The following KHDRBS2 variants were observed in gnomAD, a reference collection of about 807,000 sequenced individuals.
The protein encoded by KHDRBS2 is KH RNA binding domain containing, signal transduction associated 2, also known as KH domain-containing, RNA-binding, signal transduction-associated protein 2.
Under a neutral mutation model 44.3 loss-of-function variants are expected in KHDRBS2, and 26 were observed. That is an observed-to-expected ratio of 0.59 (90% CI 0.43 to 0.81). KHDRBS2 has a LOEUF of 0.81. Ranked by LOEUF, KHDRBS2 falls within the 40% of genes least tolerant of loss-of-function variation. The pLI is 0.00. For missense variants in KHDRBS2, 476 were observed against 433.1 expected, an observed-to-expected ratio of 1.10 and a Z score of -0.88; for synonymous variants, 194 against 151.1, an observed-to-expected ratio of 1.28 and a Z score of -2.08.
chr6:62,009,487 T>G (rs1370274195), intron 3 of KHDRBS2, among the ~76,000 whole-genome samples: 1 of 152,070 alleles, frequency 6.6e-6, no homozygotes, highest in Non-Finnish European at 1.5e-5. Context: ...ACTGCAGAAA[T>G]TGCATAAGTA....
intron 1 of KHDRBS2, among the ~76,000 whole-genome samples, chr6:62,197,702 T>C (rs929156853): frequency 3.9e-5 from 6 of 152,028 alleles, no homozygotes; most frequent in Admixed American, 3.9e-4. Context: ...AACAAGGATA[T>C]CCAGGAACTG....
intron 1 of KHDRBS2, 49 bp downstream of exon 1, chr6:62,285,809 T>G: frequency 4.8e-5 from 64 of 1,334,804 alleles, no homozygotes; most frequent in Non-Finnish European, 6.3e-5. Context: ...AAGCCGCGGG[T>G]GAGATAGGCA....
chr6:61,991,276 G>C (rs1244451037), intron 3 of KHDRBS2, among the ~76,000 whole-genome samples: 1 of 152,130 alleles, frequency 6.6e-6, no homozygotes, highest in Non-Finnish European at 1.5e-5. Context: ...GCCAAATAAA[G>C]TAATAAGCAA....
At chr6:61,599,252 A>G in the KHDRBS2 span, among the ~76,000 whole-genome samples, 1 of 152,114 alleles carries the variant, frequency 6.6e-6, no homozygotes, top group South Asian at 2.1e-4. Flanking sequence ...TGATATTGCC[A>G]AGGGAGTTTC....
At chr6:61,685,116 G>C (rs1426357717) in intron 8 of KHDRBS2, among the ~76,000 whole-genome samples, 1 of 151,726 alleles carries the variant, frequency 6.6e-6, no homozygotes, top group Non-Finnish European at 1.5e-5. Context: ...AAAGCACAGG[G>C]AAGGGAGGTC....
the KHDRBS2 span, among the ~76,000 whole-genome samples, chr6:61,551,654 T>C: frequency 1.3e-5 from 2 of 152,180 alleles, no homozygotes; most frequent in Non-Finnish European, 2.9e-5. Context: ...GTCAGCTTTG[T>C]TGAAGACCAG....
At chr6:61,716,070 G>A (rs1433564010) in intron 7 of KHDRBS2, among the ~76,000 whole-genome samples, 1 of 151,768 alleles carries the variant, frequency 6.6e-6, no homozygotes, top group Non-Finnish European at 1.5e-5. Context: ...GGACTTGTGA[G>A]GTGCTTGTAA....
At chr6:61,996,006 T>C (rs1396728665) in intron 3 of KHDRBS2, among the ~76,000 whole-genome samples, 1 of 152,188 alleles carries the variant, frequency 6.6e-6, no homozygotes, top group African/African-American at 2.4e-5. Context: ...ATAGATCATC[T>C]AATAACACTG....
intron 6 of KHDRBS2, among the ~76,000 whole-genome samples, chr6:61,846,915 C>T (rs1794500091): frequency 6.6e-6 from 1 of 151,762 alleles, no homozygotes; most frequent in Non-Finnish European, 1.5e-5. Flanking sequence ...AAAAAAGATG[C>T]TATTTTGTTC....
intron 8 of KHDRBS2, among the ~76,000 whole-genome samples, chr6:61,690,482 A>T (rs1767275457): frequency 6.6e-6 from 1 of 151,968 alleles, no homozygotes; most frequent in Non-Finnish European, 1.5e-5. Flanking sequence ...GGCTTGTTTT[A>T]TTGTTTCAAC....
At chr6:62,198,345 T>C (rs1486145749) in intron 1 of KHDRBS2, among the ~76,000 whole-genome samples, 1 of 151,914 alleles carries the variant, frequency 6.6e-6, no homozygotes, top group Non-Finnish European at 1.5e-5. Flanking sequence ...CTAGCAAGAC[T>C]AATAAAGAAG....
At chr6:61,577,133 GT>G in the KHDRBS2 span, among the ~76,000 whole-genome samples, 2,417 of 149,936 alleles carry the variant, frequency 0.016, 63 homozygotes, top group African/African-American at 0.057. Flanking sequence ...CTCAGTTTTT[GT>G]TTTTTTTGTT....
chr6:62,045,615 A>C (rs1787501659), intron 3 of KHDRBS2, among the ~76,000 whole-genome samples: 1 of 152,150 alleles, frequency 6.6e-6, no homozygotes, highest in African/African-American at 2.4e-5. Flanking sequence ...TAGAACTGTG[A>C]ATTACATAAA....
At chr6:61,769,279 G>A (rs542511347) in intron 6 of KHDRBS2, among the ~76,000 whole-genome samples, 13 of 152,230 alleles carry the variant, frequency 8.5e-5, no homozygotes, top group East Asian at 1.9e-4. Flanking sequence ...CTGAGGTACC[G>A]GGTTCATCTC....
chr6:62,198,074 A>G (rs964943951), intron 1 of KHDRBS2, among the ~76,000 whole-genome samples: 5 of 152,180 alleles, frequency 3.3e-5, no homozygotes, highest in African/African-American at 1.2e-4. Context: ...AATCTCGGGG[A>G]CACATTTAAA....
the KHDRBS2 span, among the ~76,000 whole-genome samples, chr6:61,629,236 C>G: frequency 6.6e-6 from 1 of 152,120 alleles, no homozygotes; most frequent in Non-Finnish European, 1.5e-5. Flanking sequence ...GTTCACTTCT[C>G]CCACCATAGA....
chr6:61,552,058 T>C, the KHDRBS2 span, among the ~76,000 whole-genome samples: 171 of 151,758 alleles, frequency 1.1e-3, no homozygotes, highest in Non-Finnish European at 1.7e-3. Flanking sequence ...GCTTTGGGCA[T>C]TTCTATATTA....
chr6:61,607,322 A>T, the KHDRBS2 span, among the ~76,000 whole-genome samples: 459 of 151,698 alleles, frequency 3.0e-3, 4 homozygotes, highest in African/African-American at 0.011. Flanking sequence ...CTAATACTGC[A>T]CAATTTAATA....
chr6:62,034,176 A>C (rs1470898912), intron 3 of KHDRBS2, among the ~76,000 whole-genome samples: 2 of 151,938 alleles, frequency 1.3e-5, no homozygotes, highest in Non-Finnish European at 2.9e-5. Flanking sequence ...CATAATAAAA[A>C]GTCTCTCCAT....
Sources: gnomAD v4.1 joint callset for allele counts (sites outside exome capture counted in the v4.1 genomes callset) on GRCh38, gnomAD v4.1.1 for gene constraint, MANE v1.5 for transcripts, NCBI Gene and HGNC (gene_info 2026-07-23, HGNC 2026-07-21) for gene names.